Variants in C3orf20 observed in about 807,000 individuals in gnomAD.
The protein encoded by C3orf20 is uncharacterized protein C3orf20.
A neutral mutation model predicts 88.3 loss-of-function variants in C3orf20; 76 were observed. The ratio of observed to expected loss-of-function variants is 0.86; its 90% confidence interval spans 0.72 to 1.04. The LOEUF is 1.04. Ranked by LOEUF, C3orf20 falls within the 50% of genes least tolerant of loss-of-function variation. The probability of loss-of-function intolerance (pLI) is 0.00; values close to 1 mark genes in which losing one functional copy is unlikely to be tolerated. For synonymous variants in C3orf20, 436 were observed against 437.4 expected (o/e 1.00, Z 0.04); for missense variants, 1,056 against 1,123.3 (o/e 0.94, Z 0.86).
intron 15 of C3orf20, among the ~76,000 whole-genome samples, chr3:14,766,489 G>A (rs1035652262): frequency 1.3e-4 from 20 of 152,210 alleles, no homozygotes; most frequent in Admixed American, 8.5e-4. Flanking sequence ...TGCAGAGCTC[G>A]TGAGTCTGCA....
chr3:14,754,501 T>C (rs1428714686), intron 12 of C3orf20, among the ~76,000 whole-genome samples: 3 of 152,220 alleles, frequency 2.0e-5, no homozygotes, highest in Non-Finnish European at 4.4e-5. Context: ...GCTACAATGC[T>C]CTCTTACCAA....
At chr3:14,732,496 G>T (rs1575136193) in intron 12 of C3orf20, among the ~76,000 whole-genome samples, 1 of 152,176 alleles carries the variant, frequency 6.6e-6, no homozygotes, top group Non-Finnish European at 1.5e-5. Flanking sequence ...ATTGAAATAG[G>T]TTTTTTCTTT....
rs60474912 is a variant in C3orf20 at position 14,707,820 on chromosome 3, C to CTT, written c.1160+3217_1160+3218dup. Among the ~76,000 whole-genome samples, 3 of 122,120 alleles carry CTT rather than the reference C, an allele frequency of 2.5e-5. 1 individual carries two copies. Among genetic ancestry groups the CTT allele is most frequent in the Non-Finnish European group, 4.8e-5 (3 of 62,016 alleles). The allele number at this position is 122,120 out of a possible 152,430, so 80.1% of individuals were successfully genotyped here. A position where few individuals can be genotyped will look rare whatever the true frequency, so the allele number is the denominator to read the frequency against. On this transcript the variant is annotated intron_variant, in intron 7 of 16. Coordinates refer to ENST00000253697, the MANE Select transcript of C3orf20 (RefSeq NM_032137.5). ...ATAACATTTACCCCTGTGTTTTCCT[C>CTT]TTTTTTTTTTTTTTTTGAGACAGAG... is the stretch of plus-strand genomic sequence containing the variant.
At chr3:14,694,630 A>G (rs1314096995) in intron 5 of C3orf20, among the ~76,000 whole-genome samples, 1 of 152,164 alleles carries the variant, frequency 6.6e-6, no homozygotes, top group Admixed American at 6.5e-5. Context: ...ACTTTTTAAA[A>G]AAACAGCTTT....
chr3:14,717,056 C>G (rs188742675), intron 9 of C3orf20, among the ~76,000 whole-genome samples: 1 of 152,110 alleles, frequency 6.6e-6, no homozygotes, highest in East Asian at 1.9e-4. Flanking sequence ...TGTGTCCAAG[C>G]GGAGAACTGG....
intron 5 of C3orf20, among the ~76,000 whole-genome samples, chr3:14,700,596 C>T (rs1327665611): frequency 6.6e-6 from 1 of 152,168 alleles, no homozygotes; most frequent in African/African-American, 2.4e-5. Context: ...TGCCACCCAA[C>T]TTTTAGCTGC....
intron 5 of C3orf20, among the ~76,000 whole-genome samples, chr3:14,702,280 C>T (rs1467035775): frequency 6.6e-6 from 1 of 152,032 alleles, no homozygotes; most frequent in African/African-American, 2.4e-5. Flanking sequence ...GAGAATAGCA[C>T]GGGAAAGACC....
At chr3:14,707,094 A>G (rs2033534879) in intron 7 of C3orf20, among the ~76,000 whole-genome samples, 1 of 151,814 alleles carries the variant, frequency 6.6e-6, no homozygotes, top group East Asian at 1.9e-4. Context: ...CTAAAAATAC[A>G]AAAAATTAGC....
intron 4 of C3orf20, among the ~76,000 whole-genome samples, chr3:14,688,510 T>A (rs796770386): frequency 2.4e-5 from 3 of 126,166 alleles, no homozygotes; most frequent in African/African-American, 9.3e-5. Flanking sequence ...CCAGCCTGGA[T>A]GACAGAGTGA....
At chr3:14,763,921 A>G (rs1445379083) in intron 15 of C3orf20, among the ~76,000 whole-genome samples, 1 of 152,216 alleles carries the variant, frequency 6.6e-6, no homozygotes, top group Non-Finnish European at 1.5e-5. Flanking sequence ...ACTTAGTGGT[A>G]TGCTTACAAC....
At chr3:14,758,949 C>T (rs1479007500) in intron 13 of C3orf20, among the ~76,000 whole-genome samples, 1 of 152,204 alleles carries the variant, frequency 6.6e-6, no homozygotes, top group Non-Finnish European at 1.5e-5. Context: ...CAGATAAAAT[C>T]CCTGCCCACG....
chr3:14,718,458 C>T lies in C3orf20; in HGVS notation c.1434+3049C>T, dbSNP rs142274805. On this transcript the variant is annotated intron_variant, in intron 9 of 16. Transcript: ENST00000253697. ...TATAATTTCTTACAAGTACATTTTC[C>T]CTTACCTCATCTAGTGTAGTTAAAT... 3.5e-4 allele frequency among the ~76,000 whole-genome samples: 53 copies of T among 152,162 alleles called. 1 individual carries two copies. Among genetic ancestry groups the T allele is most frequent in the South Asian group, 3.3e-3 (16 of 4,832 alleles).
chr3:14,681,488 G>A (rs2032087910), intron 1 of C3orf20, among the ~76,000 whole-genome samples: 1 of 152,178 alleles, frequency 6.6e-6, no homozygotes, highest in Admixed American at 6.5e-5. Context: ...GGGCTGGTTA[G>A]GGTTGTTGGA....
chr3:14,747,124 A>G (rs1017732032), intron 12 of C3orf20, among the ~76,000 whole-genome samples: 1 of 152,212 alleles, frequency 6.6e-6, no homozygotes, highest in Admixed American at 6.5e-5. Flanking sequence ...AAAGTTACCA[A>G]CTAGGTGGCC....
Position 14,728,545 on chromosome 3 carries a change from C to T in C3orf20, c.1797C>T (p.Tyr599=), listed in dbSNP as rs567734267. 6.2e-7 allele frequency: 1 copy of T among 1,614,224 alleles called. No individual in the cohort carries two copies. The highest frequency in any genetic ancestry group is 8.5e-7 in the Non-Finnish European group (1 of 1,180,038). The change falls in exon 12 of 17, where the codon TAC becomes TAT. Residue 599 remains tyrosine (Y), a synonymous_variant. Transcript: ENST00000253697. ...AGCGGCTCCCCAAGCTAAGTTTATA[C>T]TCAGGAGAAAGTCTTTTACGATCTC... ...HPERLPKLSL[Y]SGESLLRSQS... is the part of the protein sequence containing the mutation.
Position 14,683,213 on chromosome 3 carries a change from TTGTGTA to T in C3orf20, c.484+21_484+26del. 6.4e-7 allele frequency: 1 copy of T among 1,550,448 alleles called. No individual in the cohort carries two copies. Among genetic ancestry groups the T allele is most frequent in the African/African-American group, 1.4e-5 (1 of 73,184 alleles). On this transcript the variant is annotated intron_variant, in intron 3 of 16. Transcript: ENST00000253697. ...TCTATGTCGGGTAAGGCCCAGATGT[TTGTGTA>T]TGTGCCCACCACACCCACTACAGAC...
At chr3:14,764,239 A>G (rs2035639333) in intron 15 of C3orf20, among the ~76,000 whole-genome samples, 1 of 152,166 alleles carries the variant, frequency 6.6e-6, no homozygotes. Context: ...CATACAAACT[A>G]GAAACATGCA....
intron 12 of C3orf20, among the ~76,000 whole-genome samples, chr3:14,748,585 T>C (rs1179933213): frequency 6.6e-6 from 1 of 152,200 alleles, no homozygotes; most frequent in African/African-American, 2.4e-5. Context: ...TGTAGGCATT[T>C]ACAGCTATAA....
At chr3:14,707,063 C>G (rs933630417) in intron 7 of C3orf20, among the ~76,000 whole-genome samples, 2 of 151,912 alleles carry the variant, frequency 1.3e-5, no homozygotes, top group Non-Finnish European at 2.9e-5. Context: ...TCCTGGCTAA[C>G]ATGGTGAAAC....
Sources: allele counts gnomAD v4.1 joint callset (sites outside exome capture counted in the v4.1 genomes callset), GRCh38; gene constraint gnomAD v4.1.1; transcripts MANE v1.5; gene names NCBI Gene and HGNC (gene_info 2026-07-23, HGNC 2026-07-21).